The following C11orf54 variants were observed in gnomAD, a reference collection of about 807,000 sequenced individuals.
C11orf54 encodes the protein beta-keto L-gulonate decarboxylase.
A neutral mutation model predicts 35.5 loss-of-function variants in C11orf54; 29 were observed. The ratio of observed to expected loss-of-function variants is 0.82; its 90% CI spans 0.61 to 1.11. The LOEUF is 1.11. Among genes scored for constraint, C11orf54 ranks in the 50% most tolerant of loss-of-function variants. C11orf54 has a pLI of 0.00. For missense variants in C11orf54, 373 were observed against 369.2 expected, an observed-to-expected ratio of 1.01 and a Z score of -0.08; for synonymous variants, 108 against 121.1, an observed-to-expected ratio of 0.89 and a Z score of 0.71.
chr11:93,747,702 A>G (rs1942559128), intron 2 of C11orf54, among the ~76,000 whole-genome samples: 1 of 152,220 alleles, frequency 6.6e-6, no homozygotes. Flanking sequence ...CTTATAGATT[A>G]TTGATGATAC....
At chr11:93,753,626 A>T in intron 3 of C11orf54, 56 bp from the exon 4 acceptor site, 1 of 1,427,982 alleles carries the variant, frequency 7.0e-7, no homozygotes, top group Non-Finnish European at 9.8e-7. Context: ...TTATTAAATT[A>T]GATGTTTGCC....
intron 1 of C11orf54, among the ~76,000 whole-genome samples, chr11:93,743,073 T>G (rs1040608012): frequency 6.6e-6 from 1 of 151,662 alleles, no homozygotes; most frequent in Non-Finnish European, 1.5e-5. Flanking sequence ...CGATCTCAGC[T>G]CACTGCAACC....
Position 93,755,337 on chromosome 11 carries a change from A to G in C11orf54, c.458A>G (p.Gln153Arg). ...TACAGTGAGAAATGTCATGATTTTCAGTGTGCATTACTGGCTAATCTTTTT... is the reference window on the plus strand; with the variant it reads ...TACAGTGAGAAATGTCATGATTTTCGGTGTGCATTACTGGCTAATCTTTTT... ...EKYSEKCHDF[Q>R]CALLANLFAS... Residue 153 changes from glutamine to arginine, a missense_variant, in exon 6 of 9, where the codon CAG becomes CGG. Coordinates refer to ENST00000354421, the MANE Select transcript of C11orf54 (RefSeq NM_001286069.2). The G allele has an allele frequency of 6.2e-7, 1 of 1,614,204 alleles. No individual in the cohort carries two copies. Among genetic ancestry groups the G allele is most frequent in the Non-Finnish European group, 8.5e-7 (1 of 1,180,034 alleles).
chr11:93,757,792 G>A (rs1462487366), intron 7 of C11orf54, among the ~76,000 whole-genome samples: 1 of 151,946 alleles, frequency 6.6e-6, no homozygotes, highest in Non-Finnish European at 1.5e-5. Flanking sequence ...GCCTCCCAAA[G>A]TGCTGAGATT....
intron 4 of C11orf54, 44 bp downstream of exon 4, chr11:93,753,799 T>C (rs1280434432): frequency 4.4e-6 from 7 of 1,594,526 alleles, no homozygotes; most frequent in Admixed American, 1.7e-5. Flanking sequence ...ATTGTAGAAG[T>C]TGGGTTGATT....
intron 1 of C11orf54, among the ~76,000 whole-genome samples, chr11:93,744,841 C>T (rs996631584): frequency 6.6e-6 from 1 of 152,222 alleles, no homozygotes; most frequent in Non-Finnish European, 1.5e-5. Context: ...CCTGCACCGG[C>T]ACTGGTATCT....
rs954026390 is a variant in C11orf54 at position 93,761,782 on chromosome 11, C to T, written c.*94C>T. ...CTGATATAAAACCAATAGAAATGATCCCACAGGCCAGGCACAATGGCTCAT... is the reference window on the plus strand; with the variant it reads ...CTGATATAAAACCAATAGAAATGATTCCACAGGCCAGGCACAATGGCTCAT... On this transcript the variant is annotated 3_prime_UTR_variant, in exon 9 of 9. Transcript: ENST00000354421. 1.6e-6 allele frequency: 2 copies of T among 1,246,738 alleles called. No individual in the cohort carries two copies. Among genetic ancestry groups the T allele is most frequent in the Admixed American group, 2.9e-5 (1 of 34,756 alleles). The allele number at this position is 1,246,738 out of a possible 1,614,324, so 77.2% of individuals were successfully genotyped here.
At chr11:93,751,297 A>G (rs1942806234) in intron 3 of C11orf54, among the ~76,000 whole-genome samples, 1 of 152,106 alleles carries the variant, frequency 6.6e-6, no homozygotes, top group African/African-American at 2.4e-5. Context: ...CAGCTTAAAC[A>G]ATCTTTGATT....
At chr11:93,742,917 G>A (rs989846958) in intron 1 of C11orf54, 1 of 152,192 alleles carries the variant, frequency 6.6e-6, no homozygotes, top group African/African-American at 2.4e-5. Flanking sequence ...AAAAGAAGGG[G>A]AAAAGTGCTA....
intron 5 of C11orf54, 109 bp downstream of exon 5, chr11:93,754,146 G>A: frequency 1.1e-6 from 1 of 918,338 alleles, no homozygotes; most frequent in East Asian, 2.5e-5. Context: ...AAATCTCTCT[G>A]CAGGTTTGAT....
At chr11:93,760,009 G>T in intron 8 of C11orf54, 151 bp downstream of exon 8, 1 of 494,596 alleles carries the variant, frequency 2.0e-6, no homozygotes, top group Non-Finnish European at 3.5e-6. Flanking sequence ...TGCAATGGCA[G>T]GATCTCAGCT....
chr11:93,758,767 A>C (rs66460850), intron 7 of C11orf54, among the ~76,000 whole-genome samples: 16,867 of 152,260 alleles, frequency 0.11, 1,026 homozygotes, highest in East Asian at 0.25. Context: ...GCCTTCAGGC[A>C]CCCCTTGGCA....
In C11orf54 at chr11:93,741,928, G is replaced by A. The variant is rs1591318318; in HGVS notation, c.-98+200G>A. The A allele has an allele frequency of 1.5e-5, 3 of 194,220 alleles. No individual in the cohort carries two copies. The South Asian group carries it at 2.2e-4, about 14-fold the overall frequency. The allele number at this position is 194,220 out of a possible 1,614,324, so 12.0% of individuals were successfully genotyped here. On this transcript the variant is annotated intron_variant, in intron 1 of 8. Coordinates refer to ENST00000354421, the MANE Select transcript of C11orf54 (RefSeq NM_001286069.2). ...GGTGACGGGTGGGATGTGTGCCTGA[G>A]TGTTTTGTAATCCTTTGTCTATTTC...
intron 7 of C11orf54, 133 bp from the exon 8 acceptor site, chr11:93,759,609 A>G (rs1459406818): frequency 1.1e-5 from 4 of 362,464 alleles, no homozygotes; most frequent in Non-Finnish European, 1.8e-5. Context: ...ACAAAACTGC[A>G]TGTTCTACAC....
At chr11:93,761,265 G>C (rs1337653521) in intron 8 of C11orf54, among the ~76,000 whole-genome samples, 1 of 152,154 alleles carries the variant, frequency 6.6e-6, no homozygotes, top group African/African-American at 2.4e-5. Context: ...ATAAAAGTAA[G>C]TATTTATGGA....
At chr11:93,744,424 G>A (rs978044430) in intron 1 of C11orf54, among the ~76,000 whole-genome samples, 29 of 152,186 alleles carry the variant, frequency 1.9e-4, no homozygotes, top group African/African-American at 6.8e-4. Context: ...TTTAACTTGT[G>A]TTCTTATTCC....
chr11:93,757,488 A>G (rs1457524314), intron 7 of C11orf54, 23 bp downstream of exon 7: 16 of 1,588,480 alleles, frequency 1.0e-5, no homozygotes, highest in South Asian at 4.4e-5. Context: ...GTGTGCATAC[A>G]TGCATGAAGG....
Position 93,761,560 on chromosome 11 carries a change from G to A in C11orf54, c.820G>A (p.Gly274Arg). ...GCACACTCATTTTTTTAGTCGTCAT[G>A]GAGAAGGTGGACACTACCATTATGA... is the stretch of plus-strand genomic sequence containing the variant. The part of the protein sequence containing the change: ...LEHTHFFSRH[G>R]EGGHYHYDTT... The change falls in exon 9 of 9, where the codon GGA (glycine) becomes AGA (arginine). Residue 274 changes from glycine to arginine, a missense_variant. Physicochemically the swap from Gly to Arg is moderately radical, Grantham distance 125 (BLOSUM62 -2). Transcript: ENST00000354421. 11 of 1,611,348 alleles carry A rather than the reference G, an allele frequency of 6.8e-6. No homozygotes were observed. Among genetic ancestry groups the A allele is most frequent in the Non-Finnish European group, 9.3e-6 (11 of 1,178,970 alleles).
chr11:93,757,007 C>T lies in C11orf54; in HGVS notation c.508-309C>T, dbSNP rs778775350. ...GGTAATTCTCAATCTTTGACTGCCT[C>T]GACACGTATGTTAAGAGTCTCTAGA... is the stretch of plus-strand genomic sequence containing the variant. On this transcript the variant is annotated intron_variant, in intron 6 of 8. Transcript: ENST00000354421. Among the ~76,000 whole-genome samples the T allele has an allele frequency of 6.2e-4, 94 of 152,222 alleles. 1 individual carries two copies. The highest frequency in any genetic ancestry group is 2.1e-3 in the African/African-American group (88 of 41,536).
Sources: allele counts gnomAD v4.1 joint callset (sites outside exome capture counted in the v4.1 genomes callset), GRCh38; gene constraint gnomAD v4.1.1; transcripts MANE v1.5; gene names NCBI Gene and HGNC (gene_info 2026-07-23, HGNC 2026-07-21).